XKR4: variants seen among roughly 807,000 people sequenced by gnomAD.
XKR4 encodes the protein XK-related protein 4.
In XKR4, 12 loss-of-function variants were observed where a neutral mutation model predicts 53.9. That is an observed-to-expected ratio of 0.22 (90% CI 0.14 to 0.36). The LOEUF (loss-of-function observed/expected upper bound fraction) is 0.36. XKR4 is among the 10% of genes least tolerant of loss of function. The pLI, the probability that XKR4 is intolerant of heterozygous loss-of-function variation, is 1.00. For missense variants in XKR4, 799 were observed against 859.5 expected (o/e 0.93, Z 0.88); for synonymous variants, 354 against 362.4 (o/e 0.98, Z 0.26).
At position 55,136,582 on chromosome 8, in the gene XKR4, G is replaced by A. The variant is rs911870120; in HGVS notation, c.806+33288G>A. 5.3e-5 allele frequency among the ~76,000 whole-genome samples: 8 copies of A among 152,272 alleles called. No individual in the cohort carries two copies. The East Asian group carries it at 1.3e-3, about 26-fold the overall frequency. On this transcript the variant is annotated intron_variant, in intron 1 of 2. Transcript: ENST00000327381. ...AATGACTGTGTTATCAGAAAGCTTG[G>A]CCAGCAGTCAAACAATAATAATTGG...
intron 2 of XKR4, among the ~76,000 whole-genome samples, chr8:55,378,857 A>G (rs1804189344): frequency 1.3e-5 from 2 of 152,192 alleles, no homozygotes; most frequent in South Asian, 4.1e-4. Context: ...AATGGTCCCA[A>G]CACCCCCTTC....
chr8:55,430,842 G>A (rs1044783667), intron 2 of XKR4, among the ~76,000 whole-genome samples: 2 of 152,154 alleles, frequency 1.3e-5, no homozygotes, highest in African/African-American at 4.8e-5. Context: ...TATAGGATTA[G>A]GACTCACCCT....
chr8:55,164,469 T>A (rs1216861361), intron 1 of XKR4: 5 of 456,100 alleles, frequency 1.1e-5, no homozygotes, highest in Non-Finnish European at 2.2e-5. Context: ...GTAGTCTACC[T>A]GGGTATTCTC....
At chr8:55,485,289 A>T (rs752318249) in intron 2 of XKR4, among the ~76,000 whole-genome samples, 1 of 152,228 alleles carries the variant, frequency 6.6e-6, no homozygotes, top group Non-Finnish European at 1.5e-5. Flanking sequence ...AATAAAAAGC[A>T]TATACTTTGA....
At chr8:55,183,371 CTT>C (rs1817339134) in intron 1 of XKR4, among the ~76,000 whole-genome samples, 1 of 151,770 alleles carries the variant, frequency 6.6e-6, no homozygotes, top group East Asian at 1.9e-4. Context: ...CTACTTTTCT[CTT>C]ATCACTTTTC....
chr8:55,173,243 C>T (rs1259305943), intron 1 of XKR4, among the ~76,000 whole-genome samples: 2 of 151,998 alleles, frequency 1.3e-5, no homozygotes, highest in South Asian at 2.1e-4. Context: ...ATGGGTACTG[C>T]ACGCACACTA....
At chr8:55,239,968 A>G (rs967233341) in intron 1 of XKR4, among the ~76,000 whole-genome samples, 2 of 152,176 alleles carry the variant, frequency 1.3e-5, no homozygotes, top group Non-Finnish European at 2.9e-5. Flanking sequence ...ACCAGGCTGA[A>G]CTAAGTACCC....
At chr8:55,283,095 G>A (rs903008647) in intron 1 of XKR4, among the ~76,000 whole-genome samples, 2 of 152,100 alleles carry the variant, frequency 1.3e-5, no homozygotes, top group African/African-American at 4.8e-5. Context: ...ATATAGCCTA[G>A]GTGTGTAGTA....
At chr8:55,185,290 G>T (rs1378788289) in intron 1 of XKR4, among the ~76,000 whole-genome samples, 2 of 152,192 alleles carry the variant, frequency 1.3e-5, no homozygotes, top group African/African-American at 2.4e-5. Flanking sequence ...ATATGTTTCA[G>T]TTGAGAAATC....
At chr8:55,389,708 C>T (rs1804417242) in intron 2 of XKR4, among the ~76,000 whole-genome samples, 2 of 152,070 alleles carry the variant, frequency 1.3e-5, no homozygotes, top group Admixed American at 1.3e-4. Flanking sequence ...TATTGAGTAC[C>T]CCCAGTTTGC....
intron 2 of XKR4, among the ~76,000 whole-genome samples, chr8:55,377,720 G>A (rs1397625647): frequency 6.6e-6 from 1 of 152,214 alleles, no homozygotes; most frequent in Non-Finnish European, 1.5e-5. Context: ...TGCATGTCGT[G>A]AGGCCACCTT....
intron 2 of XKR4, among the ~76,000 whole-genome samples, chr8:55,370,530 A>G (rs1804056850): frequency 1.3e-5 from 2 of 152,346 alleles, no homozygotes; most frequent in South Asian, 2.1e-4. Context: ...AACCAAAATT[A>G]TAAGGAGAGT....
intron 1 of XKR4, among the ~76,000 whole-genome samples, chr8:55,322,253 T>A (rs533029679): frequency 2.0e-5 from 3 of 152,316 alleles, no homozygotes; most frequent in South Asian, 2.1e-4. Flanking sequence ...TTCACTCGAG[T>A]ATGTTTCTAA....
intron 1 of XKR4, among the ~76,000 whole-genome samples, chr8:55,293,062 C>T (rs987753471): frequency 2.0e-5 from 3 of 152,068 alleles, no homozygotes; most frequent in South Asian, 4.2e-4. Context: ...TGGCCAGGTG[C>T]GGTGGCTCAC....
In XKR4 at chr8:55,102,652, G is replaced by A; in HGVS notation, c.164G>A (p.Cys55Tyr). ...GAGGAGGCGGCCGGGGGCGGCTGCT[G>A]CCCGGACGGCGGCGGCTGCTCGCGC... is the stretch of plus-strand genomic sequence containing the variant. Reference protein sequence around the residue: ...EDEEAAGGGCCPDGGGCSRCC... With the variant: ...EDEEAAGGGCYPDGGGCSRCC... Residue 55 changes from cysteine (C) to tyrosine (Y), a missense_variant, in exon 1 of 3, where the codon TGC becomes TAC. Cys to Tyr is a radical substitution (Grantham distance 194). Around this residue, in one of 3 missense-constraint regions of XKR4, gnomAD observed 476 missense variants for 505.4 expected, o/e 0.94. Coordinates refer to ENST00000327381, the MANE Select transcript of XKR4 (RefSeq NM_052898.2). This position sits in a 1 kb window ranked among gnomAD's most constrained non-coding sequence, Gnocchi z 5.1. 1 of 1,298,418 alleles carries A rather than the reference G, an allele frequency of 7.7e-7. No homozygotes were observed. Among genetic ancestry groups the A allele is most frequent in the East Asian group, 3.0e-5 (1 of 33,022 alleles). The allele number at this position is 1,298,418 out of a possible 1,614,324, so 80.4% of individuals were successfully genotyped here.
chr8:55,408,732 G>A (rs1306943141), intron 2 of XKR4, among the ~76,000 whole-genome samples: 2 of 152,202 alleles, frequency 1.3e-5, no homozygotes, highest in Non-Finnish European at 1.5e-5. Context: ...CCACAAGCCG[G>A]GTGCGGTGGT....
At chr8:55,166,097 C>G (rs570772924) in intron 1 of XKR4, among the ~76,000 whole-genome samples, 2 of 152,236 alleles carry the variant, frequency 1.3e-5, no homozygotes, top group African/African-American at 4.8e-5. Context: ...GGCTGCCTCT[C>G]ACATGCAAAT....
chr8:55,437,490 C>G (rs1427689941), intron 2 of XKR4, among the ~76,000 whole-genome samples: 1 of 152,210 alleles, frequency 6.6e-6, no homozygotes, highest in African/African-American at 2.4e-5. Context: ...TTCCCTCACT[C>G]TAATTACGTT....
At position 55,252,638 on chromosome 8, in the gene XKR4, A is replaced by G. The variant is rs1818377185; in HGVS notation, c.807-105040A>G. ...ATAAACTGACTCAGGTTTTGCTTTG[A>G]CAGAACTGGGCCATCCCCAGGATAC... On this transcript the variant is annotated intron_variant, in intron 1 of 2. Transcript: ENST00000327381. 2.0e-5 allele frequency among the ~76,000 whole-genome samples: 3 copies of G among 152,334 alleles called. No homozygotes were observed. In the South Asian group the frequency reaches 6.2e-4, roughly 32 times the overall value.
Sources: allele counts gnomAD v4.1 joint callset (sites outside exome capture counted in the v4.1 genomes callset), GRCh38; gene constraint gnomAD v4.1.1; regional missense constraint gnomAD v4.1.1; non-coding constraint Gnocchi (gnomAD v3.1); transcripts MANE v1.5; gene names NCBI Gene and HGNC (gene_info 2026-07-23, HGNC 2026-07-21).